PIP5K1B: variants seen among roughly 807,000 people sequenced by gnomAD.
The protein encoded by PIP5K1B is phosphatidylinositol-4-phosphate 5-kinase type 1 beta.
PIP5K1B carries 42 observed loss-of-function variants against 67.0 expected under a neutral mutation model. That is an observed-to-expected ratio of 0.63 (90% CI 0.49 to 0.81). The LOEUF is 0.81. Among genes scored for constraint, PIP5K1B ranks in the 30% least tolerant of loss-of-function variants. The pLI is 0.00. For missense variants in PIP5K1B, 459 were observed against 646.3 expected (o/e 0.71, Z 3.14); for synonymous variants, 214 against 231.4 (o/e 0.92, Z 0.68).
intron 1 of PIP5K1B, among the ~76,000 whole-genome samples, chr9:68,719,547 C>G (rs1827785830): frequency 6.6e-6 from 1 of 152,164 alleles, no homozygotes; most frequent in Admixed American, 6.5e-5. Flanking sequence ...GCAACGGTGT[C>G]ATTGCTGTGG....
chr9:68,794,687 G>T (rs1000018184), intron 2 of PIP5K1B, among the ~76,000 whole-genome samples: 4 of 136,666 alleles, frequency 2.9e-5, no homozygotes, highest in African/African-American at 1.1e-4. Flanking sequence ...TTCAGTGAGT[G>T]CTGTAAATTA....
chr9:68,798,682 C>T (rs577973622), intron 2 of PIP5K1B, among the ~76,000 whole-genome samples: 2 of 152,188 alleles, frequency 1.3e-5, no homozygotes, highest in South Asian at 4.1e-4. Flanking sequence ...TCTTATAGGG[C>T]AAGATCAGAA....
intron 14 of PIP5K1B, among the ~76,000 whole-genome samples, chr9:68,976,568 C>T (rs1297847655): frequency 6.6e-6 from 1 of 152,206 alleles, no homozygotes; most frequent in Non-Finnish European, 1.5e-5. Flanking sequence ...GCCATCGGTG[C>T]CCTATGACAG....
chr9:68,943,771 C>A (rs1827673106), intron 14 of PIP5K1B, among the ~76,000 whole-genome samples: 1 of 152,116 alleles, frequency 6.6e-6, no homozygotes, highest in South Asian at 2.1e-4. Flanking sequence ...GGTCTGTTTT[C>A]CGATTTTGAC....
chr9:68,761,367 A>G (rs1043793149), intron 2 of PIP5K1B, among the ~76,000 whole-genome samples: 3 of 152,108 alleles, frequency 2.0e-5, no homozygotes, highest in Non-Finnish European at 2.9e-5. Context: ...CCTTTGGGGG[A>G]AGAAATACTC....
At chr9:68,963,347 A>C (rs769522958) in intron 14 of PIP5K1B, 32 of 397,466 alleles carry the variant, frequency 8.1e-5, no homozygotes, top group Non-Finnish European at 1.5e-4. Flanking sequence ...TACTAAAAAT[A>C]CAAACATTAG....
At chr9:68,711,851 T>G (rs1827409469) in intron 1 of PIP5K1B, among the ~76,000 whole-genome samples, 1 of 152,226 alleles carries the variant, frequency 6.6e-6, no homozygotes, top group Non-Finnish European at 1.5e-5. Context: ...GGCTTAATAG[T>G]GAGTTTGGTT....
chr9:68,759,069 T>C (rs1830070415), intron 2 of PIP5K1B, among the ~76,000 whole-genome samples: 1 of 152,148 alleles, frequency 6.6e-6, no homozygotes, highest in Admixed American at 6.6e-5. Context: ...GTAGTAGACC[T>C]TGTATAAGAC....
intron 1 of PIP5K1B, among the ~76,000 whole-genome samples, chr9:68,717,816 G>T (rs997718482): frequency 6.6e-6 from 1 of 152,146 alleles, no homozygotes. Flanking sequence ...TATACGTAGA[G>T]ATATAAATAA....
intron 2 of PIP5K1B, among the ~76,000 whole-genome samples, chr9:68,805,253 G>A (rs1832808363): frequency 1.3e-5 from 2 of 152,206 alleles, no homozygotes; most frequent in South Asian, 4.1e-4. Context: ...CACCTCAAGG[G>A]TGGGAAGAAT....
chr9:68,712,284 C>T (rs1827431002), intron 1 of PIP5K1B, among the ~76,000 whole-genome samples: 1 of 152,218 alleles, frequency 6.6e-6, no homozygotes, highest in South Asian at 2.1e-4. Flanking sequence ...GGCCCTCTCT[C>T]ACCAGAAGCA....
chr9:68,813,671 T>A lies in PIP5K1B; in HGVS notation c.-85-4790T>A, dbSNP rs1833282966. On this transcript the variant is annotated intron_variant, in intron 2 of 15. Coordinates refer to ENST00000265382, the MANE Select transcript of PIP5K1B (RefSeq NM_003558.4). ...TTCATGAGGGTGAGCTCTAACCTAG[T>A]ATAACTGGTGTTCTTATAAGAAGAG... is the stretch of plus-strand genomic sequence containing the variant. Among the ~76,000 whole-genome samples, 8 of 152,122 alleles carry A rather than the reference T, an allele frequency of 5.3e-5. No homozygotes were observed. The South Asian group carries it at 1.7e-3, about 32-fold the overall frequency.
chr9:68,982,032 T>G (rs1281271257), intron 14 of PIP5K1B, among the ~76,000 whole-genome samples: 1 of 152,204 alleles, frequency 6.6e-6, no homozygotes, highest in Non-Finnish European at 1.5e-5. Context: ...CCTGTGTGGC[T>G]TGTTGCAAAT....
At position 68,958,204 on chromosome 9, in the gene PIP5K1B, A is replaced by G. The variant is rs146312291; in HGVS notation, c.1502+17414A>G. ...CTGTTTTCTCAAATGCTAAGTTGCCATATAATGGGTAGAATATCCTGAATC... is the reference window on the plus strand; with the variant it reads ...CTGTTTTCTCAAATGCTAAGTTGCCGTATAATGGGTAGAATATCCTGAATC... On this transcript the variant is annotated intron_variant, in intron 14 of 15. Coordinates refer to ENST00000265382, the MANE Select transcript of PIP5K1B (RefSeq NM_003558.4). Among the ~76,000 whole-genome samples, 949 of 152,252 alleles carry G rather than the reference A, an allele frequency of 6.2e-3. 14 individuals are homozygous for G. Among genetic ancestry groups the G allele is most frequent in the African/African-American group, 0.021 (888 of 41,550 alleles).
intron 2 of PIP5K1B, among the ~76,000 whole-genome samples, chr9:68,800,134 T>C (rs1832522130): frequency 6.6e-6 from 1 of 152,112 alleles, no homozygotes; most frequent in Non-Finnish European, 1.5e-5. Context: ...CCATATCAGG[T>C]TCCTTAGAGA....
At chr9:68,961,219 A>AAAAAAG (rs1345891520) in intron 14 of PIP5K1B, among the ~76,000 whole-genome samples, 12 of 144,730 alleles carry the variant, frequency 8.3e-5, no homozygotes, top group South Asian at 4.4e-4. Context: ...TCCGTCTCAA[A>AAAAAAG]AAAAAAAAAA....
chr9:68,848,331 G>A (rs890884889), intron 4 of PIP5K1B, among the ~76,000 whole-genome samples: 2 of 152,134 alleles, frequency 1.3e-5, no homozygotes, highest in Non-Finnish European at 2.9e-5. Context: ...CATCTTACAG[G>A]TCCTTTCTGG....
At position 68,930,713 on chromosome 9, in the gene PIP5K1B, A is replaced by G. The variant is rs373424418; in HGVS notation, c.1202-4177A>G. ...CTGCAGCTAGAGGAATCAGTTTAAA[A>G]TATAAATCTGCTCTTGCTGATTTCT... is the stretch of plus-strand genomic sequence containing the variant. On this transcript the variant is annotated intron_variant, in intron 12 of 15. Coordinates refer to ENST00000265382, the MANE Select transcript of PIP5K1B (RefSeq NM_003558.4). Among the ~76,000 whole-genome samples, 96 of 152,192 alleles carry G rather than the reference A, an allele frequency of 6.3e-4. 1 individual carries two copies. The South Asian group carries it at 0.02, about 31-fold the overall frequency.
chr9:68,830,604 T>C (rs1025177435), intron 4 of PIP5K1B, among the ~76,000 whole-genome samples: 2 of 152,178 alleles, frequency 1.3e-5, no homozygotes, highest in Non-Finnish European at 2.9e-5. Context: ...CTAATACCAA[T>C]AAACGTCACA....
Sources: gnomAD v4.1 joint callset for allele counts (sites outside exome capture counted in the v4.1 genomes callset) on GRCh38, gnomAD v4.1.1 for gene constraint, MANE v1.5 for transcripts, NCBI Gene and HGNC (gene_info 2026-07-23, HGNC 2026-07-21) for gene names.